Variants in NELL1 observed in about 807,000 individuals in gnomAD.
NELL1 encodes the protein neural EGFL like 1, also known as protein kinase C-binding protein NELL1.
In NELL1, 76 loss-of-function variants were observed where a neutral mutation model predicts 107.4. The ratio of observed to expected loss-of-function variants is 0.71; its 90% confidence interval spans 0.59 to 0.86. The LOEUF is 0.86. Ranked by LOEUF, NELL1 falls within the 40% of genes least tolerant of loss-of-function variation. The probability of loss-of-function intolerance (pLI) is 0.00; values close to 1 mark genes in which losing one functional copy is unlikely to be tolerated. For missense variants in NELL1, 1,024 were observed against 1,005.5 expected (o/e 1.02, Z -0.25); for synonymous variants, 353 against 341.2 (o/e 1.03, Z -0.38).
chr11:21,417,692 A>G (rs186048964), intron 15 of NELL1, among the ~76,000 whole-genome samples: 1 of 152,170 alleles, frequency 6.6e-6, no homozygotes, highest in East Asian at 1.9e-4. Context: ...GATGATTGTC[A>G]AAAGCAACTT....
intron 14 of NELL1, among the ~76,000 whole-genome samples, chr11:21,337,837 T>TTGCTTGCTTTC (rs1555006224): frequency 7.7e-4 from 67 of 86,652 alleles, no homozygotes; most frequent in African/African-American, 2.4e-3. Context: ...TCTTTCTTTC[T>TTGCTTGCTTTC]TTTCTTTCTT....
At chr11:21,033,020 T>C (rs1853001375) in intron 12 of NELL1, among the ~76,000 whole-genome samples, 1 of 152,208 alleles carries the variant, frequency 6.6e-6, no homozygotes, top group African/African-American at 2.4e-5. Context: ...TCTTAGTGTT[T>C]AATTCTAAGA....
Position 20,896,954 on chromosome 11 carries a change from G to A in NELL1, c.603+11414G>A, listed in dbSNP as rs553696448. 1.4e-4 allele frequency among the ~76,000 whole-genome samples: 22 copies of A among 152,246 alleles called. 1 individual carries two copies. In the South Asian group the frequency reaches 4.6e-3, roughly 32 times the overall value. ...AAGAACATTCCATGCTCATGGGTAG[G>A]AAGAATCAATATCATGAAAATGGCC... On this transcript the variant is annotated intron_variant, in intron 5 of 19. Transcript: ENST00000357134.
chr11:21,448,104 CTG>C (rs1245162366), intron 15 of NELL1, among the ~76,000 whole-genome samples: 1 of 152,186 alleles, frequency 6.6e-6, no homozygotes, highest in Non-Finnish European at 1.5e-5. Context: ...CAATTCAAAA[CTG>C]TCTTTTCTAC....
At chr11:21,033,239 G>C (rs532521530) in intron 12 of NELL1, among the ~76,000 whole-genome samples, 118 of 152,254 alleles carry the variant, frequency 7.8e-4, no homozygotes, top group African/African-American at 2.6e-3. Flanking sequence ...TGAATTTGAA[G>C]ATTGGTGATT....
chr11:21,086,493 T>C (rs1854394973), intron 12 of NELL1, among the ~76,000 whole-genome samples: 1 of 152,092 alleles, frequency 6.6e-6, no homozygotes, highest in Non-Finnish European at 1.5e-5. Flanking sequence ...AAAGATAAAA[T>C]TTGGGCTGAG....
intron 15 of NELL1, among the ~76,000 whole-genome samples, chr11:21,486,665 A>T (rs1208419117): frequency 6.6e-6 from 1 of 152,204 alleles, no homozygotes; most frequent in East Asian, 1.9e-4. Context: ...AATTCAAAAT[A>T]CTGATTTTAA....
chr11:21,519,647 G>A (rs997366446), intron 15 of NELL1, among the ~76,000 whole-genome samples: 6 of 151,908 alleles, frequency 3.9e-5, no homozygotes, highest in Admixed American at 6.6e-5. Context: ...TATCACTCAG[G>A]GTAGAGCAGA....
intron 14 of NELL1, among the ~76,000 whole-genome samples, chr11:21,263,004 C>A (rs944113258): frequency 6.6e-6 from 1 of 151,728 alleles, no homozygotes; most frequent in South Asian, 2.1e-4. Flanking sequence ...TATCTTGTAA[C>A]CCTTTTCATT....
intron 4 of NELL1, among the ~76,000 whole-genome samples, chr11:20,854,558 T>C (rs1442979931): frequency 6.6e-6 from 1 of 152,248 alleles, no homozygotes; most frequent in Non-Finnish European, 1.5e-5. Context: ...CCACTTCTCC[T>C]GGATGCTCAC....
rs564635686 is a variant in NELL1 at position 21,463,079 on chromosome 11, A to G, written c.1646-71295A>G. On this transcript the variant is annotated intron_variant, in intron 15 of 19. Coordinates refer to ENST00000357134, the MANE Select transcript of NELL1 (RefSeq NM_006157.5). ...TCTCTAAAACCTATCAAAAATACCT[A>G]AATTTTACCACAGAGACTGGATCCA... 3.3e-5 allele frequency among the ~76,000 whole-genome samples: 5 copies of G among 152,108 alleles called. No individual in the cohort carries two copies. The South Asian group carries it at 6.2e-4, about 19-fold the overall frequency.
intron 13 of NELL1, among the ~76,000 whole-genome samples, chr11:21,212,328 A>G (rs780737285): frequency 2.4e-4 from 36 of 152,192 alleles, no homozygotes; most frequent in Non-Finnish European, 4.9e-4. Context: ...TTACTCATGA[A>G]AAATTCAAAT....
Position 20,713,741 on chromosome 11 carries a change from C to G in NELL1, c.184+35681C>G, listed in dbSNP as rs35288646. Among the ~76,000 whole-genome samples the G allele has an allele frequency of 2.0e-3, 298 of 152,290 alleles. 2 individuals are homozygous for G. The highest frequency in any genetic ancestry group is 6.8e-3 in the Middle Eastern group (2 of 294). The stretch of plus-strand genomic sequence containing the variant: ...GGAAGCTTGGTTCACCTTGTGACCC[C>G]TCCCCAGTTCTACTCATTGCCTTCT... On this transcript the variant is annotated intron_variant, in intron 2 of 19. Transcript: ENST00000357134.
In NELL1 at chr11:20,677,928, C is replaced by G. The variant is rs371893947; in HGVS notation, c.56-4C>G. 2.5e-6 allele frequency: 4 copies of G among 1,613,958 alleles called. No homozygotes were observed. The South Asian group carries it at 4.4e-5, about 18-fold the overall frequency. On this transcript the variant is annotated splice_region_variant and splice_polypyrimidine_tract_variant and intron_variant, in intron 1 of 19. Coordinates refer to ENST00000357134, the MANE Select transcript of NELL1 (RefSeq NM_006157.5). ...AGCCCAAACAACTCTTTGTTCCTTT[C>G]CAGTGGTGGGCTTTGGGATGGACCC...
chr11:21,039,599 G>T lies in NELL1; in HGVS notation c.1301-73990G>T, dbSNP rs548456114. On this transcript the variant is annotated intron_variant, in intron 12 of 19. Transcript: ENST00000357134. ...GATTTTCTAGATGGAGCAAAATTCAGTATTCTGGGGAAGATGCGTACCAAG... is the reference window on the plus strand; with the variant it reads ...GATTTTCTAGATGGAGCAAAATTCATTATTCTGGGGAAGATGCGTACCAAG... Among the ~76,000 whole-genome samples the T allele has an allele frequency of 1.1e-4, 16 of 152,294 alleles. No homozygotes were observed. The East Asian group carries it at 2.7e-3, about 26-fold the overall frequency.
chr11:21,345,751 T>A (rs1489600155), intron 14 of NELL1, among the ~76,000 whole-genome samples: 1 of 151,798 alleles, frequency 6.6e-6, no homozygotes, highest in African/African-American at 2.4e-5. Flanking sequence ...CCCAAATGAG[T>A]TTTTCATGTT....
intron 15 of NELL1, among the ~76,000 whole-genome samples, chr11:21,427,573 C>T (rs1368956909): frequency 6.6e-6 from 1 of 152,068 alleles, no homozygotes; most frequent in Admixed American, 6.6e-5. Flanking sequence ...ATAGTAAGTG[C>T]TAAAAAATGT....
chr11:20,982,271 A>T (rs1179031478), intron 12 of NELL1, among the ~76,000 whole-genome samples: 3 of 152,166 alleles, frequency 2.0e-5, no homozygotes, highest in Admixed American at 2.0e-4. Context: ...TAGGGTAGAG[A>T]TGCCTGCTCA....
In NELL1 at chr11:21,158,365, C is replaced by T. The variant is rs9665847; in HGVS notation, c.1426+44651C>T. On this transcript the variant is annotated intron_variant, in intron 13 of 19. Transcript: ENST00000357134. ...TCAATAAACTCCCTTTCATATATAC[C>T]TCTATCCTATTAGTCCTGTCTCTCT... 2.6e-3 allele frequency among the ~76,000 whole-genome samples: 389 copies of T among 152,258 alleles called. 1 individual carries two copies. Among genetic ancestry groups the T allele is most frequent in the African/African-American group, 9.1e-3 (377 of 41,554 alleles).
Sources: allele counts gnomAD v4.1 joint callset (sites outside exome capture counted in the v4.1 genomes callset), GRCh38; gene constraint gnomAD v4.1.1; transcripts MANE v1.5; gene names NCBI Gene and HGNC (gene_info 2026-07-23, HGNC 2026-07-21).